HS3ST4: variants seen among roughly 807,000 people sequenced by gnomAD.
The protein encoded by HS3ST4 is heparan sulfate glucosamine 3-O-sulfotransferase 4.
In HS3ST4, 17 loss-of-function variants were observed where a neutral mutation model predicts 29.2. The observed-to-expected ratio is 0.58, with a 90% CI of 0.40 to 0.87. HS3ST4 has a LOEUF of 0.87. Ranked by LOEUF, HS3ST4 falls within the 40% of genes least tolerant of loss-of-function variation. HS3ST4 has a pLI of 0.00. For synonymous variants in HS3ST4, 314 were observed against 285.7 expected (o/e 1.10, Z -1.00); for missense variants, 627 against 634.5 (o/e 0.99, Z 0.13).
intron 1 of HS3ST4, among the ~76,000 whole-genome samples, chr16:26,108,036 A>T (rs1596683690): frequency 6.6e-6 from 1 of 152,260 alleles, no homozygotes; most frequent in Middle Eastern, 3.4e-3. Flanking sequence ...TTCTATGGAA[A>T]ATAGAGGTTG....
intron 1 of HS3ST4, among the ~76,000 whole-genome samples, chr16:26,092,079 TG>T (rs1281098916): frequency 6.6e-6 from 1 of 152,014 alleles, no homozygotes; most frequent in East Asian, 1.9e-4. Context: ...GGCCCCACGG[TG>T]GGAGGCAACC....
chr16:25,729,911 A>G (rs191037713), intron 1 of HS3ST4, among the ~76,000 whole-genome samples: 159 of 152,262 alleles, frequency 1.0e-3, no homozygotes, highest in African/African-American at 2.2e-3. Context: ...GAGCTGTCCA[A>G]TTGCTCTGGT....
At chr16:25,889,871 T>C (rs540067718) in intron 1 of HS3ST4, among the ~76,000 whole-genome samples, 1 of 151,740 alleles carries the variant, frequency 6.6e-6, no homozygotes, top group Admixed American at 6.6e-5. Context: ...TCTCATGAGA[T>C]CTGAAGGTTT....
At chr16:25,972,054 G>A (rs997921499) in intron 1 of HS3ST4, among the ~76,000 whole-genome samples, 2 of 152,206 alleles carry the variant, frequency 1.3e-5, no homozygotes, top group Non-Finnish European at 2.9e-5. Context: ...GCTGGGCCTT[G>A]GTTCCTAGTC....
chr16:25,946,636 A>G (rs1408135957), intron 1 of HS3ST4, among the ~76,000 whole-genome samples: 1 of 152,198 alleles, frequency 6.6e-6, no homozygotes, highest in Non-Finnish European at 1.5e-5. Context: ...AGTTAGTGGC[A>G]GACATGGACA....
At chr16:25,877,751 C>A (rs568081610) in intron 1 of HS3ST4, among the ~76,000 whole-genome samples, 1 of 152,210 alleles carries the variant, frequency 6.6e-6, no homozygotes, top group Admixed American at 6.5e-5. Flanking sequence ...TTTGCTGCAG[C>A]AGCTCTAGGA....
intron 1 of HS3ST4, among the ~76,000 whole-genome samples, chr16:25,821,421 T>C (rs2141633709): frequency 6.6e-6 from 1 of 152,280 alleles, no homozygotes; most frequent in East Asian, 1.9e-4. Context: ...CTTTGCCCAT[T>C]TTTTCTAATG....
rs1555467593 is a variant in HS3ST4, at chr16:25,828,301, C to CTCTCTCT, written c.734+135150_734+135151insTCTCTCT. ...CTTTCTTTCTTTCTTTCTTTCTTTCCCTCTCTCTCTCTCTCTCTCTCTCTC... is the reference window on the plus strand; with the variant it reads ...CTTTCTTTCTTTCTTTCTTTCTTTCCTCTCTCTCTCTCTCTCTCTCTCTCTCTCTCTC... On this transcript the variant is annotated intron_variant, in intron 1 of 1. Transcript: ENST00000331351. Among the ~76,000 whole-genome samples, 36 of 32,894 alleles carry CTCTCTCT rather than the reference C, an allele frequency of 1.1e-3. 1 individual carries two copies. Among genetic ancestry groups the CTCTCTCT allele is most frequent in the South Asian group, 1.8e-3 (1 of 560 alleles). 21.6% of individuals were successfully genotyped at this position (32,894 alleles called of 152,430 possible). A position where few individuals can be genotyped will look rare whatever the true frequency, so the allele number is the denominator to read the frequency against.
intron 1 of HS3ST4, among the ~76,000 whole-genome samples, chr16:25,908,555 T>C (rs898363618): frequency 5.9e-5 from 9 of 152,150 alleles, no homozygotes; most frequent in African/African-American, 2.2e-4. Flanking sequence ...ACTCTTTACA[T>C]TGTCCAGTGA....
chr16:25,845,307 A>G (rs943991691), intron 1 of HS3ST4, among the ~76,000 whole-genome samples: 5 of 152,160 alleles, frequency 3.3e-5, no homozygotes, highest in African/African-American at 1.2e-4. Flanking sequence ...TCAGGAGTTT[A>G]AGACCAGCCT....
intron 1 of HS3ST4, among the ~76,000 whole-genome samples, chr16:25,788,921 A>G (rs980768264): frequency 6.6e-6 from 1 of 152,138 alleles, no homozygotes; most frequent in Non-Finnish European, 1.5e-5. Flanking sequence ...TGGGTTATCA[A>G]TGTCGATGGT....
At chr16:25,799,577 A>T (rs1966911560) in intron 1 of HS3ST4, among the ~76,000 whole-genome samples, 1 of 152,204 alleles carries the variant, frequency 6.6e-6, no homozygotes, top group Non-Finnish European at 1.5e-5. Flanking sequence ...CTCTCAGCAC[A>T]GTTATTACCA....
chr16:26,076,105 T>A lies in HS3ST4; in HGVS notation c.735-59507T>A, dbSNP rs537094187. ...TATTGCACCTTCTTAGAATTCTTGG[T>A]TTTATCGGTGTCTATGGCTTGAGCA... On this transcript the variant is annotated intron_variant, in intron 1 of 1. Coordinates refer to ENST00000331351, the MANE Select transcript of HS3ST4 (RefSeq NM_006040.3). 2.6e-5 allele frequency among the ~76,000 whole-genome samples: 4 copies of A among 152,306 alleles called. No individual in the cohort carries two copies. In the South Asian group the frequency reaches 8.3e-4, roughly 32 times the overall value.
chr16:25,875,811 C>G (rs1410317733), intron 1 of HS3ST4, among the ~76,000 whole-genome samples: 6 of 152,022 alleles, frequency 3.9e-5, no homozygotes, highest in Non-Finnish European at 7.4e-5. Context: ...GTGTGTGATC[C>G]AGAAACCCAA....
chr16:25,867,485 G>C (rs939538863), intron 1 of HS3ST4, among the ~76,000 whole-genome samples: 1 of 152,124 alleles, frequency 6.6e-6, no homozygotes, highest in Admixed American at 6.6e-5. Context: ...TAGTAAGACT[G>C]ATTTCCTTTA....
In HS3ST4 at chr16:25,848,975, G is replaced by A. The variant is rs537166145; in HGVS notation, c.734+155824G>A. Among the ~76,000 whole-genome samples the A allele has an allele frequency of 1.7e-4, 26 of 152,066 alleles. No individual in the cohort carries two copies. In the East Asian group the frequency reaches 3.5e-3, roughly 20 times the overall value. ...TAGATATGTAGGGTTCCAGTTGTTC[G>A]TTTCTAAACAGGTTGTAATTTCGGT... On this transcript the variant is annotated intron_variant, in intron 1 of 1. Coordinates refer to ENST00000331351, the MANE Select transcript of HS3ST4 (RefSeq NM_006040.3).
At chr16:25,975,105 A>C (rs1968931032) in intron 1 of HS3ST4, among the ~76,000 whole-genome samples, 1 of 152,138 alleles carries the variant, frequency 6.6e-6, no homozygotes, top group Non-Finnish European at 1.5e-5. Context: ...GAATACTACA[A>C]AGCTGTAAAA....
intron 1 of HS3ST4, among the ~76,000 whole-genome samples, chr16:25,805,420 G>A (rs921037037): frequency 1.3e-5 from 2 of 152,148 alleles, no homozygotes; most frequent in Non-Finnish European, 2.9e-5. Context: ...ATTTCTTGTG[G>A]GATTATATTA....
intron 1 of HS3ST4, among the ~76,000 whole-genome samples, chr16:25,757,076 C>T (rs1256608817): frequency 6.6e-6 from 1 of 152,198 alleles, no homozygotes; most frequent in Non-Finnish European, 1.5e-5. Context: ...TGATGCAGAA[C>T]TGGCATGTAA....
Sources: allele counts gnomAD v4.1 joint callset (sites outside exome capture counted in the v4.1 genomes callset), GRCh38; gene constraint gnomAD v4.1.1; transcripts MANE v1.5; gene names NCBI Gene and HGNC (gene_info 2026-07-23, HGNC 2026-07-21).